The following LIMS1 variants were observed in gnomAD, a reference collection of about 807,000 sequenced individuals.
LIMS1 encodes LIM zinc finger domain containing 1.
Under a neutral mutation model 44.1 loss-of-function variants are expected in LIMS1, and 18 were observed. The ratio of observed to expected loss-of-function variants is 0.41; its 90% CI spans 0.28 to 0.61. The LOEUF is 0.61. Ranked by LOEUF, LIMS1 falls within the 20% of genes least tolerant of loss-of-function variation. LIMS1 has a pLI of 0.32. For synonymous variants in LIMS1, 93 were observed against 149.1 expected, an observed-to-expected ratio of 0.62 and a Z score of 2.74; for missense variants, 201 against 422.0, an observed-to-expected ratio of 0.48 and a Z score of 4.59.
intron 1 of LIMS1, among the ~76,000 whole-genome samples, chr2:108,618,749 C>T (rs905465232): frequency 1.6e-4 from 23 of 145,558 alleles, no homozygotes; most frequent in African/African-American, 4.3e-4. Context: ...CGCTTGAACT[C>T]GGGAGGTGGA....
intron 6 of LIMS1, among the ~76,000 whole-genome samples, chr2:108,676,237 T>C (rs1385625191): frequency 6.6e-6 from 1 of 152,266 alleles, no homozygotes; most frequent in African/African-American, 2.4e-5. Flanking sequence ...GAATATATAA[T>C]GTACACTGCT....
At chr2:108,643,232 G>A (rs12464601) in intron 1 of LIMS1, among the ~76,000 whole-genome samples, 62,707 of 152,024 alleles carry the variant, frequency 0.41, 14,885 homozygotes, top group East Asian at 0.94. Flanking sequence ...GAACAGCTCC[G>A]GTCTGCAGCT....
chr2:108,635,850 G>C (rs1035034194), intron 1 of LIMS1, among the ~76,000 whole-genome samples: 4 of 152,044 alleles, frequency 2.6e-5, no homozygotes, highest in Non-Finnish European at 4.4e-5. Flanking sequence ...TCCTAGTTTT[G>C]AATGTAAATA....
intron 1 of LIMS1, among the ~76,000 whole-genome samples, chr2:108,548,795 T>C (rs1684577352): frequency 1.3e-5 from 2 of 152,176 alleles, no homozygotes; most frequent in Non-Finnish European, 1.5e-5. Flanking sequence ...GGTTTTGGAA[T>C]GTGGAGGGTG....
chr2:108,535,748 G>A (rs967106072), intron 1 of LIMS1, among the ~76,000 whole-genome samples: 1 of 152,170 alleles, frequency 6.6e-6, no homozygotes, highest in African/African-American at 2.4e-5. Context: ...ATCATTGGGA[G>A]CAAAATATTG....
rs552278883 is a variant in LIMS1, at chr2:108,596,683, C to T, written c.32+62089C>T. ...AACTAAAAATACAAAATTAGCCAGG[C>T]GTGGTGGTGCATGCCTGTAATCCCA... On this transcript the variant is annotated intron_variant, in intron 1 of 9. Coordinates refer to ENST00000544547, the Ensembl canonical transcript of LIMS1. 1.6e-4 allele frequency among the ~76,000 whole-genome samples: 25 copies of T among 152,294 alleles called. No individual in the cohort carries two copies. In the East Asian group the frequency reaches 4.3e-3, roughly 26 times the overall value.
intron 9 of LIMS1, among the ~76,000 whole-genome samples, chr2:108,682,117 C>T (rs758845606): frequency 9.2e-5 from 14 of 152,004 alleles, no homozygotes; most frequent in Non-Finnish European, 1.6e-4. Flanking sequence ...ATGATTGTTC[C>T]AGTTTTCCCT....
chr2:108,536,875 T>G (rs1359855397), intron 1 of LIMS1, among the ~76,000 whole-genome samples: 1 of 152,194 alleles, frequency 6.6e-6, no homozygotes, highest in Non-Finnish European at 1.5e-5. Flanking sequence ...TTAGAGCCAC[T>G]GTGCTCAGCC....
At chr2:108,643,082 C>G (rs1179577538) in intron 1 of LIMS1, among the ~76,000 whole-genome samples, 1 of 152,168 alleles carries the variant, frequency 6.6e-6, no homozygotes, top group African/African-American at 2.4e-5. Flanking sequence ...AATCACTCTG[C>G]TCTGGGTGGA....
At chr2:108,571,501 C>A (rs1280073525) in intron 1 of LIMS1, among the ~76,000 whole-genome samples, 1 of 152,120 alleles carries the variant, frequency 6.6e-6, no homozygotes, top group Non-Finnish European at 1.5e-5. Context: ...AGGAAATATA[C>A]CTCTTTGAAA....
At chr2:108,545,603 C>A (rs145419226) in intron 1 of LIMS1, among the ~76,000 whole-genome samples, 16 of 152,272 alleles carry the variant, frequency 1.1e-4, no homozygotes, top group African/African-American at 3.4e-4. Context: ...GTTCTCAGTT[C>A]TTGGTCTTGG....
intron 2 of LIMS1, among the ~76,000 whole-genome samples, chr2:108,664,393 T>C (rs1691603309): frequency 6.6e-6 from 1 of 152,228 alleles, no homozygotes; most frequent in African/African-American, 2.4e-5. Context: ...AGAGCCATTC[T>C]TGGAGCTCAT....
At chr2:108,613,673 T>C (rs1687778745) in intron 1 of LIMS1, among the ~76,000 whole-genome samples, 1 of 152,122 alleles carries the variant, frequency 6.6e-6, no homozygotes, top group African/African-American at 2.4e-5. Context: ...ACAGGTGGGA[T>C]CTTGTCAGTA....
chr2:108,547,831 T>G (rs1020171991), intron 1 of LIMS1, among the ~76,000 whole-genome samples: 2 of 152,186 alleles, frequency 1.3e-5, no homozygotes, highest in Non-Finnish European at 2.9e-5. Context: ...ACTTCTTTCT[T>G]TAGAATACAA....
chr2:108,657,321 C>T (rs1162612375), intron 1 of LIMS1, among the ~76,000 whole-genome samples: 4 of 152,240 alleles, frequency 2.6e-5, no homozygotes, highest in Non-Finnish European at 5.9e-5. Flanking sequence ...TTTTTAGAGT[C>T]CCATTAAGAT....
rs534288690 is a variant in LIMS1, at chr2:108,641,715, TA to T, written c.33-17888del. On this transcript the variant is annotated intron_variant, in intron 1 of 9. Transcript: ENST00000544547. ...CTTTATCACTGTCTTGCTTCTGTGG[TA>T]ATGAATAATTTCTTTTTGCCTGTGC... 1.8e-3 allele frequency among the ~76,000 whole-genome samples: 275 copies of T among 152,336 alleles called. 1 individual carries two copies. Among genetic ancestry groups the T allele is most frequent in the African/African-American group, 6.4e-3 (265 of 41,586 alleles).
intron 9 of LIMS1, 175 bp downstream of exon 9, chr2:108,680,945 A>G (rs544832846): frequency 5.2e-5 from 69 of 1,320,868 alleles, no homozygotes; most frequent in South Asian, 3.2e-4. Flanking sequence ...TCTTTCTTCT[A>G]TTCCTTCTTT....
intron 2 of LIMS1, among the ~76,000 whole-genome samples, chr2:108,667,803 A>G (rs1355961110): frequency 6.6e-6 from 1 of 151,950 alleles, no homozygotes; most frequent in Non-Finnish European, 1.5e-5. Flanking sequence ...AAAATGGTAT[A>G]CTTACTTGCA....
At chr2:108,588,077 T>C (rs1686193226) in intron 1 of LIMS1, among the ~76,000 whole-genome samples, 1 of 152,226 alleles carries the variant, frequency 6.6e-6, no homozygotes, top group African/African-American at 2.4e-5. Flanking sequence ...GATCAGTTAT[T>C]CATTTTTCTA....
Sources: allele counts gnomAD v4.1 joint callset (sites outside exome capture counted in the v4.1 genomes callset), GRCh38; gene constraint gnomAD v4.1.1; transcripts MANE v1.5; gene names NCBI Gene and HGNC (gene_info 2026-07-23, HGNC 2026-07-21).